Variants in ERO1B observed in about 807,000 individuals in gnomAD.
ERO1B encodes the protein ERO1-like protein beta.
In ERO1B, 49 loss-of-function variants were observed where a neutral mutation model predicts 75.3. That is an observed-to-expected ratio of 0.65 (90% confidence interval 0.52 to 0.83). ERO1B has a LOEUF of 0.83. ERO1B is among the 40% of genes least tolerant of loss of function. The pLI, the probability that ERO1B is intolerant of heterozygous loss-of-function variation, is 0.00. For synonymous variants in ERO1B, 191 were observed against 192.9 expected (o/e 0.99, Z 0.08); for missense variants, 512 against 560.1 (o/e 0.91, Z 0.87).
chr1:236,229,255 T>C (rs1664344568), intron 10 of ERO1B, among the ~76,000 whole-genome samples: 1 of 151,928 alleles, frequency 6.6e-6, no homozygotes, highest in Non-Finnish European at 1.5e-5. Flanking sequence ...CGAAACCTCA[T>C]CTCTACTAAA....
chr1:236,281,486 C>T, intron 1 of ERO1B, 196 bp downstream of exon 1: 1 of 398,382 alleles, frequency 2.5e-6, no homozygotes, highest in Non-Finnish European at 4.4e-6. Context: ...CGCCGTCCCC[C>T]CACCCTGCGG....
chr1:236,243,323 G>A (rs1165851359), intron 6 of ERO1B, 99 bp downstream of exon 6: 3 of 832,122 alleles, frequency 3.6e-6, no homozygotes, highest in Non-Finnish European at 5.5e-6. Context: ...GCAAAATCCA[G>A]TACTGAAGCT....
chr1:236,229,422 CAAA>C (rs199715484), intron 10 of ERO1B, among the ~76,000 whole-genome samples: 1 of 112,350 alleles, frequency 8.9e-6, no homozygotes, highest in Non-Finnish European at 1.9e-5. Context: ...GACTCTGACT[CAAA>C]AAAAAAAAAA....
chr1:236,252,234 T>C (rs989089711), intron 3 of ERO1B, 143 bp from the exon 4 acceptor site: 2 of 617,148 alleles, frequency 3.2e-6, no homozygotes, highest in African/African-American at 3.8e-5. Context: ...CAAATTGTGT[T>C]TTCACACTAT....
At chr1:236,270,307 C>T (rs937825530) in intron 1 of ERO1B, among the ~76,000 whole-genome samples, 7 of 152,096 alleles carry the variant, frequency 4.6e-5, no homozygotes, top group African/African-American at 1.7e-4. Flanking sequence ...CCCAAACTAA[C>T]CTAGAAGTTA....
intron 2 of ERO1B, among the ~76,000 whole-genome samples, chr1:236,255,199 G>C (rs1192671250): frequency 6.6e-6 from 1 of 151,772 alleles, no homozygotes; most frequent in African/African-American, 2.4e-5. Flanking sequence ...GACTCCCAGT[G>C]TTAAGATTAT....
chr1:236,267,239 T>C (rs1424903376), intron 2 of ERO1B, among the ~76,000 whole-genome samples: 1 of 152,222 alleles, frequency 6.6e-6, no homozygotes, highest in African/African-American at 2.4e-5. Flanking sequence ...GTTTTATCTT[T>C]TCTGAAGTAT....
intron 8 of ERO1B, 59 bp from the exon 9 acceptor site, chr1:236,232,898 A>G (rs1453606913): frequency 7.0e-7 from 1 of 1,418,974 alleles, no homozygotes; most frequent in Non-Finnish European, 9.6e-7. Context: ...TCAGATCCCA[A>G]TACTATTTTT....
In ERO1B at chr1:236,230,210, A is replaced by G. The variant is rs1464413640; in HGVS notation, c.712+14T>C. The G allele has an allele frequency of 2.5e-6, 4 of 1,583,294 alleles. No homozygotes were observed. The highest frequency in any genetic ancestry group is 3.5e-6 in the Non-Finnish European group (4 of 1,156,888). On this transcript the variant is annotated intron_variant, in intron 10 of 15. Transcript: ENST00000354619. The stretch of plus-strand genomic sequence containing the variant: ...TTAACAAAAAATCCAATAAATTTAG[A>G]ACAGACTGTTTACCTTCTAGCCATG...
chr1:236,253,799 C>T (rs1024036150), intron 2 of ERO1B, among the ~76,000 whole-genome samples: 3 of 152,158 alleles, frequency 2.0e-5, no homozygotes, highest in Admixed American at 2.0e-4. Flanking sequence ...CAAATAAGAA[C>T]TGAGCATCCA....
At chr1:236,236,969 T>A (rs917714484) in intron 6 of ERO1B, among the ~76,000 whole-genome samples, 3 of 152,190 alleles carry the variant, frequency 2.0e-5, no homozygotes, top group Non-Finnish European at 4.4e-5. Context: ...TTTTTACTGA[T>A]GTCAACATAT....
At chr1:236,233,458 C>T (rs767962542) in intron 8 of ERO1B, among the ~76,000 whole-genome samples, 2 of 151,662 alleles carry the variant, frequency 1.3e-5, no homozygotes, top group South Asian at 2.1e-4. Context: ...ATTAGCCAGG[C>T]GTGGTGACCG....
intron 2 of ERO1B, among the ~76,000 whole-genome samples, chr1:236,255,102 C>T (rs9701518): frequency 0.011 from 927 of 84,614 alleles, 10 homozygotes; most frequent in African/African-American, 0.032. Flanking sequence ...TTTTTTCTTT[C>T]TTTTTTTTTT....
intron 3 of ERO1B, 53 bp from the exon 4 acceptor site, chr1:236,252,144 G>A (rs1618510): frequency 0.24 from 299,078 of 1,226,764 alleles, 38,176 homozygotes; most frequent in East Asian, 0.36. Flanking sequence ...TATTTTTTTT[G>A]GAATTTCTTC....
chr1:236,277,889 T>G (rs1665745395), intron 1 of ERO1B, among the ~76,000 whole-genome samples: 1 of 152,212 alleles, frequency 6.6e-6, no homozygotes, highest in Non-Finnish European at 1.5e-5. Context: ...TTTTGGCCAC[T>G]CTTTAAAATC....
At chr1:236,254,880 T>TGG (rs996771346) in intron 2 of ERO1B, among the ~76,000 whole-genome samples, 1 of 151,872 alleles carries the variant, frequency 6.6e-6, no homozygotes, top group African/African-American at 2.4e-5. Context: ...CCCAAAGTGC[T>TGG]GGGATTAGAG....
chr1:236,250,093 T>C, intron 4 of ERO1B, 126 bp from the exon 5 acceptor site: 1 of 496,704 alleles, frequency 2.0e-6, no homozygotes, highest in Non-Finnish European at 3.4e-6. Flanking sequence ...ATTATAAAAA[T>C]CCCTATCATA....
intron 2 of ERO1B, among the ~76,000 whole-genome samples, chr1:236,255,728 C>T (rs1665145190): frequency 6.6e-6 from 1 of 152,086 alleles, no homozygotes; most frequent in African/African-American, 2.4e-5. Flanking sequence ...AACAAAGAAC[C>T]TTAAAACAGC....
At chr1:236,240,467 AACTCACTATTAAAAC>A (rs575527581) in intron 6 of ERO1B, among the ~76,000 whole-genome samples, 32 of 152,258 alleles carry the variant, frequency 2.1e-4, no homozygotes, top group African/African-American at 7.5e-4. Context: ...AACTGCTACT[AACTCACTATTAAAAC>A]ATGATTTACA....
Sources: gnomAD v4.1 joint callset for allele counts (sites outside exome capture counted in the v4.1 genomes callset) on GRCh38, gnomAD v4.1.1 for gene constraint, MANE v1.5 for transcripts, NCBI Gene and HGNC (gene_info 2026-07-23, HGNC 2026-07-21) for gene names.